The following FGD4 variants were observed in gnomAD, a reference collection of about 807,000 sequenced individuals.
The protein encoded by FGD4 is FYVE, RhoGEF and PH domain containing 4.
FGD4 carries 42 observed loss-of-function variants against 102.0 expected under a neutral mutation model. The ratio of observed to expected loss-of-function variants is 0.41; its 90% CI spans 0.32 to 0.53. FGD4 has a LOEUF of 0.53. Among genes scored for constraint, FGD4 ranks in the 20% least tolerant of loss-of-function variants. The pLI is 0.21. For missense variants in FGD4, 902 were observed against 1,078.2 expected (o/e 0.84, Z 2.29); for synonymous variants, 380 against 375.7 (o/e 1.01, Z -0.13).
chr12:32,422,753 G>C (rs1038749329), intron 1 of FGD4, among the ~76,000 whole-genome samples: 1 of 151,944 alleles, frequency 6.6e-6, no homozygotes, highest in Admixed American at 6.6e-5. Context: ...TAAAAACATA[G>C]TATATATGAA....
At chr12:32,533,821 A>G (rs1592136866) in intron 1 of FGD4, among the ~76,000 whole-genome samples, 1 of 152,270 alleles carries the variant, frequency 6.6e-6, no homozygotes, top group East Asian at 1.9e-4. Flanking sequence ...TACCAGTTAA[A>G]CTATGTTTTG....
chr12:32,603,654 G>A (rs1948577970), intron 7 of FGD4, among the ~76,000 whole-genome samples: 1 of 151,888 alleles, frequency 6.6e-6, no homozygotes, highest in South Asian at 2.1e-4. Context: ...CAAAATGCTG[G>A]GATTATAGGC....
intron 1 of FGD4, among the ~76,000 whole-genome samples, chr12:32,431,526 T>C (rs536521560): frequency 6.6e-6 from 1 of 152,300 alleles, no homozygotes; most frequent in Non-Finnish European, 1.5e-5. Flanking sequence ...AGGCTTTGTG[T>C]GGACTTTTGG....
chr12:32,401,698 G>C (rs567917742), intron 1 of FGD4, among the ~76,000 whole-genome samples: 64 of 151,266 alleles, frequency 4.2e-4, no homozygotes, highest in Admixed American at 2.0e-3. Context: ...ATTTCTGTAA[G>C]GTAGCTCTGC....
chr12:32,632,716 T>TA (rs200617043), intron 14 of FGD4, among the ~76,000 whole-genome samples: 14,072 of 141,118 alleles, frequency 0.1, 748 homozygotes, highest in Middle Eastern at 0.2. Flanking sequence ...TTTATTTATT[T>TA]TTTTTTTTTG....
At chr12:32,432,051 ATTTTTTTTT>A (rs60933809) in intron 1 of FGD4, among the ~76,000 whole-genome samples, 5 of 107,710 alleles carry the variant, frequency 4.6e-5, no homozygotes, top group Non-Finnish European at 9.9e-5. Context: ...TAATCCTAGC[ATTTTTTTTT>A]TTTTTTTTTT....
chr12:32,439,249 C>T (rs777349595), intron 1 of FGD4, among the ~76,000 whole-genome samples: 24 of 152,204 alleles, frequency 1.6e-4, no homozygotes, highest in Non-Finnish European at 3.4e-4. Context: ...TGGCTTATAA[C>T]ATAATGCTGT....
intron 1 of FGD4, among the ~76,000 whole-genome samples, chr12:32,412,364 A>G (rs1941241919): frequency 6.6e-6 from 1 of 152,230 alleles, no homozygotes; most frequent in Admixed American, 6.5e-5. Context: ...ATGTAGACAG[A>G]GGAAAAATCT....
At chr12:32,451,389 T>A (rs1426903619) in intron 1 of FGD4, among the ~76,000 whole-genome samples, 1 of 152,170 alleles carries the variant, frequency 6.6e-6, no homozygotes, top group Non-Finnish European at 1.5e-5. Flanking sequence ...TAGACCCTGC[T>A]TAAAAGTCCC....
At position 32,619,886 on chromosome 12, in the gene FGD4, C is replaced by A. The variant is rs1158929027; in HGVS notation, c.1922+16C>A. The A allele has an allele frequency of 6.2e-7, 1 of 1,613,782 alleles. No homozygotes were observed. On this transcript the variant is annotated intron_variant, in intron 11 of 16. Coordinates refer to ENST00000534526, the MANE Select transcript of FGD4 (RefSeq NM_001370298.3). Reference sequence around the variant, plus strand: ...TGCAGGCCAGGTAAGGGAACCATTTCTATCACACTGCTTTCCAAAATCAGG... The same window carrying A: ...TGCAGGCCAGGTAAGGGAACCATTTATATCACACTGCTTTCCAAAATCAGG...
intron 1 of FGD4, among the ~76,000 whole-genome samples, chr12:32,518,050 T>C (rs1329220310): frequency 6.6e-6 from 1 of 152,174 alleles, no homozygotes; most frequent in African/African-American, 2.4e-5. Flanking sequence ...AGCATATTTA[T>C]GTCAGCTTTA....
intron 4 of FGD4, among the ~76,000 whole-genome samples, chr12:32,585,783 A>G (rs992591070): frequency 2.9e-5 from 4 of 138,580 alleles, no homozygotes; most frequent in Non-Finnish European, 6.1e-5. Context: ...GCAGTGAGCT[A>G]TGATCCTGCT....
Position 32,581,961 on chromosome 12 carries a change from T to A in FGD4, c.505T>A (p.Ser169Thr). Residue 169 changes from serine (S) to threonine (T), a missense_variant and splice_region_variant, in exon 4 of 17, where the codon TCA becomes ACA. This residue lies in a region of FGD4 where 443 missense variants were observed against 459.2 expected (regional missense o/e 0.96). Coordinates refer to ENST00000534526, the MANE Select transcript of FGD4 (RefSeq NM_001370298.3). ...DLISRFEGGS[S>T]LSNYSDLKKE... ...CTTCCTTTGTATTTTATCTTTTAGC[T>A]CATTATCAAATTATAGTGATTTGAA... 1 of 1,614,070 alleles carries A rather than the reference T, an allele frequency of 6.2e-7. No individual in the cohort carries two copies. The highest frequency in any genetic ancestry group is 8.5e-7 in the Non-Finnish European group (1 of 1,179,966).
intron 1 of FGD4, among the ~76,000 whole-genome samples, chr12:32,517,290 C>T (rs1429606770): frequency 6.6e-6 from 1 of 152,092 alleles, no homozygotes; most frequent in Non-Finnish European, 1.5e-5. Flanking sequence ...ACAGGTATTA[C>T]CATGTTGCCT....
At chr12:32,493,720 CT>C (rs1944188825) in intron 1 of FGD4, among the ~76,000 whole-genome samples, 1 of 152,234 alleles carries the variant, frequency 6.6e-6, no homozygotes. Flanking sequence ...ACAAAGCCCC[CT>C]GTCCTTATGG....
intron 2 of FGD4, among the ~76,000 whole-genome samples, chr12:32,564,646 G>C (rs1413308483): frequency 2.0e-5 from 3 of 152,170 alleles, no homozygotes; most frequent in Non-Finnish European, 4.4e-5. Flanking sequence ...CTAGATGTCA[G>C]TATCTGTAAA....
At chr12:32,455,012 T>C (rs921003630) in intron 1 of FGD4, among the ~76,000 whole-genome samples, 1 of 152,200 alleles carries the variant, frequency 6.6e-6, no homozygotes. Flanking sequence ...GTAACTCTGC[T>C]ATGGAATTGC....
In FGD4 at chr12:32,625,529, G is replaced by A. The variant is rs139037931; in HGVS notation, c.2047-125G>A. ...AGGTGATCCGCCTGCCTCAGCTTCC[G>A]AAAGTGCTGGGATTATAGTTCAGAA... On this transcript the variant is annotated intron_variant, in intron 13 of 16. Transcript: ENST00000534526. The A allele has an allele frequency of 3.8e-3, 4,852 of 1,272,208 alleles. 160 individuals carry two copies. In the African/African-American group the frequency reaches 0.066, roughly 17 times the overall value. 78.8% of individuals were successfully genotyped at this position (1,272,208 alleles called of 1,614,324 possible).
At chr12:32,532,586 G>A (rs1941906112) in intron 1 of FGD4, among the ~76,000 whole-genome samples, 2 of 150,094 alleles carry the variant, frequency 1.3e-5, no homozygotes, top group South Asian at 2.1e-4. Flanking sequence ...TTTTTTTAAA[G>A]TGTTTGTTTT....
Sources: allele counts gnomAD v4.1 joint callset (sites outside exome capture counted in the v4.1 genomes callset), GRCh38; gene constraint gnomAD v4.1.1; regional missense constraint gnomAD v4.1.1; transcripts MANE v1.5; gene names NCBI Gene and HGNC (gene_info 2026-07-23, HGNC 2026-07-21).